Variants in GALNTL5 observed in about 807,000 individuals in gnomAD.
GALNTL5 encodes the protein inactive polypeptide N-acetylgalactosaminyltransferase-like protein 5.
GALNTL5 carries 44 observed loss-of-function variants against 51.0 expected under a neutral mutation model. The observed-to-expected ratio is 0.86, with a 90% CI of 0.68 to 1.11. GALNTL5 has a LOEUF of 1.11. GALNTL5 is among the 50% of genes least tolerant of loss of function. The pLI is 0.00. For missense variants in GALNTL5, 528 were observed against 531.8 expected (o/e 0.99, Z 0.07); for synonymous variants, 192 against 182.8 (o/e 1.05, Z -0.41).
intron 1 of GALNTL5, among the ~76,000 whole-genome samples, chr7:151,966,111 C>T (rs1259911191): frequency 6.6e-6 from 1 of 152,148 alleles, no homozygotes; most frequent in African/African-American, 2.4e-5. Flanking sequence ...TCACACCCTA[C>T]TTGCTTTTTG....
At chr7:151,986,715 TA>T (rs2081363135) in intron 4 of GALNTL5, among the ~76,000 whole-genome samples, 1 of 129,096 alleles carries the variant, frequency 7.7e-6, no homozygotes, top group Non-Finnish European at 1.6e-5. Context: ...TTAAATGGGA[TA>T]AAAATTCTAT....
chr7:151,982,527 A>G (rs2081306206), intron 3 of GALNTL5, among the ~76,000 whole-genome samples: 2 of 152,186 alleles, frequency 1.3e-5, no homozygotes, highest in Non-Finnish European at 2.9e-5. Context: ...CCACAAATAT[A>G]AGAATAAAGT....
At chr7:151,979,531 C>G (rs538034487) in intron 3 of GALNTL5, among the ~76,000 whole-genome samples, 4 of 151,668 alleles carry the variant, frequency 2.6e-5, no homozygotes, top group African/African-American at 9.7e-5. Context: ...AGGATCTTGG[C>G]TCACTGCAAC....
At chr7:152,009,818 T>C (rs1253120549) in intron 7 of GALNTL5, among the ~76,000 whole-genome samples, 1 of 152,220 alleles carries the variant, frequency 6.6e-6, no homozygotes, top group Non-Finnish European at 1.5e-5. Context: ...CACACCCTTG[T>C]TGATATTTTT....
chr7:151,988,676 C>T (rs184615082), intron 5 of GALNTL5, among the ~76,000 whole-genome samples: 78 of 150,954 alleles, frequency 5.2e-4, no homozygotes, highest in African/African-American at 1.8e-3. Context: ...TATATATGCA[C>T]GTGTGTATAC....
chr7:152,005,008 T>C (rs980858842), intron 6 of GALNTL5, among the ~76,000 whole-genome samples: 1 of 152,234 alleles, frequency 6.6e-6, no homozygotes, highest in Non-Finnish European at 1.5e-5. Flanking sequence ...GTTCTACTTT[T>C]AGTTCGTTGA....
In GALNTL5 at chr7:152,019,706, C is replaced by A. The variant is rs764055192; in HGVS notation, c.1237C>A (p.Arg413Ser). 2.2e-5 allele frequency: 35 copies of A among 1,602,790 alleles called. No individual in the cohort carries two copies. Among genetic ancestry groups the A allele is most frequent in the Non-Finnish European group, 2.9e-5 (34 of 1,173,490 alleles). Reference sequence around the variant, plus strand: ...TGTCACCTACGGAAATATTCGCGAGCGTGTTGAGTTAAGGAAACGACTGGG... The same window carrying A: ...TGTCACCTACGGAAATATTCGCGAGAGTGTTGAGTTAAGGAAACGACTGGG... Reference protein sequence around the residue: ...KYVTYGNIRERVELRKRLGCK... With the variant: ...KYVTYGNIRESVELRKRLGCK... Residue 413 changes from arginine to serine, a missense_variant, in exon 9 of 9, where the codon CGT becomes AGT. Coordinates refer to ENST00000392800, the MANE Select transcript of GALNTL5 (RefSeq NM_145292.4).
intron 1 of GALNTL5, among the ~76,000 whole-genome samples, chr7:151,961,772 G>C (rs1043837190): frequency 3.9e-5 from 6 of 152,076 alleles, no homozygotes; most frequent in Non-Finnish European, 8.8e-5. Context: ...ATGTATTCTT[G>C]TGTTTACCAG....
intron 3 of GALNTL5, among the ~76,000 whole-genome samples, chr7:151,977,890 G>A (rs6464194): frequency 0.71 from 107,822 of 151,916 alleles, 38,477 homozygotes; most frequent in South Asian, 0.81. Flanking sequence ...TATCATCTCC[G>A]CTAGTACCAT....
intron 4 of GALNTL5, among the ~76,000 whole-genome samples, chr7:151,986,727 CTTTT>C (rs5888461): frequency 2.7e-4 from 37 of 134,692 alleles, no homozygotes; most frequent in Non-Finnish European, 3.2e-4. Context: ...AAAATTCTAT[CTTTT>C]TTTTTTTTTT....
Position 152,014,810 on chromosome 7 carries a change from T to C in GALNTL5, c.1176+17T>C. 2 of 1,591,456 alleles carry C rather than the reference T, an allele frequency of 1.3e-6. No individual in the cohort carries two copies. Among genetic ancestry groups the C allele is most frequent in the Non-Finnish European group, 1.7e-6 (2 of 1,170,520 alleles). On this transcript the variant is annotated intron_variant, in intron 8 of 8. Transcript: ENST00000392800. ...GAATATAAGGTGGGGAACACATCCT[T>C]GACTTGGAAAATGTATGCGAGGCCG...
chr7:151,986,136 G>T (rs765426983), intron 4 of GALNTL5: 1 of 152,142 alleles, frequency 6.6e-6, no homozygotes, highest in Non-Finnish European at 1.5e-5. Context: ...CCAGAGTACT[G>T]CCGGGAACAT....
intron 7 of GALNTL5, among the ~76,000 whole-genome samples, chr7:152,011,185 C>T (rs1436527910): frequency 6.6e-6 from 1 of 152,180 alleles, no homozygotes; most frequent in African/African-American, 2.4e-5. Context: ...AGCTCAGTTC[C>T]ACCCTGTTTC....
chr7:152,017,846 TTTTTTTTTCTTTC>T (rs1274381829), intron 8 of GALNTL5, among the ~76,000 whole-genome samples: 1 of 152,116 alleles, frequency 6.6e-6, no homozygotes, highest in Non-Finnish European at 1.5e-5. Context: ...GAGAATTCTT[TTTTTTTTTCTTTC>T]TTTTGAAACA....
intron 5 of GALNTL5, among the ~76,000 whole-genome samples, chr7:151,997,577 A>G (rs4725442): frequency 0.4 from 60,455 of 151,712 alleles, 12,478 homozygotes; most frequent in East Asian, 0.7. Flanking sequence ...ACTTAAATCA[A>G]AATTCAGTAA....
rs749400849 is a variant in GALNTL5 at position 151,967,339 on chromosome 7, T to C, written c.93T>C (p.His31=). ...TATTCATATATTTGCACCATAATCA[T>C]GTGAGCAGCTGGCAGAAGAAAAGCC... ...ALLFIYLHHN[H]VSSWQKKSQE... is the part of the protein sequence containing the mutation. Residue 31 remains histidine, a synonymous_variant, in exon 2 of 9, where the codon CAT becomes CAC. Transcript: ENST00000392800. The C allele has an allele frequency of 1.2e-6, 2 of 1,614,170 alleles. No individual in the cohort carries two copies. Among genetic ancestry groups the C allele is most frequent in the Non-Finnish European group, 1.7e-6 (2 of 1,180,010 alleles).
rs1436252286 is a variant in GALNTL5, at chr7:151,967,412, A to G, written c.166A>G (p.Ile56Val). 3.7e-6 allele frequency: 6 copies of G among 1,614,044 alleles called. No individual in the cohort carries two copies. In the Admixed American group the frequency reaches 1.0e-4, roughly 27 times the overall value. ...WSPGKKVHQQ[I>V]IYGSEQIPKP... The stretch of plus-strand genomic sequence containing the variant: ...CCCTGGAAAAAAAGTGCATCAGCAA[A>G]TTATCTATGGCTCAGAGCAAATACC... The change falls in exon 2 of 9, where the codon ATT (isoleucine) becomes GTT (valine). Residue 56 changes from isoleucine (I) to valine (V), a missense_variant. Coordinates refer to ENST00000392800, the MANE Select transcript of GALNTL5 (RefSeq NM_145292.4).
At chr7:151,962,834 C>T (rs573840101) in intron 1 of GALNTL5, among the ~76,000 whole-genome samples, 19 of 152,290 alleles carry the variant, frequency 1.2e-4, no homozygotes, top group African/African-American at 3.9e-4. Context: ...GTCTCGAACT[C>T]CTGACCTCAA....
At position 151,957,195 on chromosome 7, in the gene GALNTL5, T is replaced by C. The variant is rs968421566; in HGVS notation, c.-40+586T>C. ...TGTTGATTATTGACAGAAGAATTAGTTGTGATATTATCTAAAGCATGGTCA... is the reference window on the plus strand; with the variant it reads ...TGTTGATTATTGACAGAAGAATTAGCTGTGATATTATCTAAAGCATGGTCA... On this transcript the variant is annotated intron_variant, in intron 1 of 8. Coordinates refer to ENST00000392800, the MANE Select transcript of GALNTL5 (RefSeq NM_145292.4). Among the ~76,000 whole-genome samples the C allele has an allele frequency of 1.2e-4, 18 of 150,820 alleles. 1 individual carries two copies. The highest frequency in any genetic ancestry group is 4.1e-4 in the African/African-American group (17 of 41,112).
Sources: allele counts gnomAD v4.1 joint callset (sites outside exome capture counted in the v4.1 genomes callset), GRCh38; gene constraint gnomAD v4.1.1; transcripts MANE v1.5; gene names NCBI Gene and HGNC (gene_info 2026-07-23, HGNC 2026-07-21).